JUNB: variants seen among roughly 807,000 people sequenced by gnomAD.
JUNB encodes transcription factor JunB.
Under a neutral mutation model 16.4 loss-of-function variants are expected in JUNB, and 6 were observed. That is an observed-to-expected ratio of 0.37 (90% CI 0.20 to 0.72). The LOEUF is 0.72. JUNB is among the 30% of genes least tolerant of loss of function. JUNB has a pLI of 0.53. For synonymous variants in JUNB, 226 were observed against 232.8 expected, an observed-to-expected ratio of 0.97 and a Z score of 0.27; for missense variants, 389 against 492.9, an observed-to-expected ratio of 0.79 and a Z score of 2.00.
chr19:12,792,018 G>A lies in JUNB; in HGVS notation c.247G>A (p.Ala83Thr). 2 of 1,611,582 alleles carry A rather than the reference G, an allele frequency of 1.2e-6. No homozygotes were observed. The highest frequency in any genetic ancestry group is 1.7e-6 in the Non-Finnish European group (2 of 1,179,400). ...GSDTGASLKL[A>T]SSELERLIVP... The stretch of plus-strand genomic sequence containing the variant: ...GGACACCGGCGCGTCTCTCAAGCTC[G>A]CCTCTTCGGAGCTGGAACGCCTGAT... Residue 83 changes from alanine (A) to threonine (T), a missense_variant, in exon 1 of 1, where the codon GCC becomes ACC. Ala to Thr is a moderately conservative substitution (Grantham distance 58). Transcript: ENST00000302754.
Position 12,792,284 on chromosome 19 carries a change from C to T in JUNB, c.513C>T (p.Gly171=). 1 of 1,494,200 alleles carries T rather than the reference C, an allele frequency of 6.7e-7. No homozygotes were observed. The highest frequency in any genetic ancestry group is 8.9e-7 in the Non-Finnish European group (1 of 1,119,860). The allele number at this position is 1,494,200 out of a possible 1,614,324, so 92.6% of individuals were successfully genotyped here. The stretch of plus-strand genomic sequence containing the variant: ...GGGGGCCCCCGGCTGGGCCCGGGGG[C>T]GTCTACGCCGGCCCGGAGCCACCTC... The part of the protein sequence containing the change: ...ATGGPPAGPG[G]VYAGPEPPPV... The change falls in exon 1 of 1, where the codon GGC becomes GGT. Residue 171 remains glycine (G), a synonymous_variant. Coordinates refer to ENST00000302754, the MANE Select transcript of JUNB (RefSeq NM_002229.3).
chr19:12,793,004 C>CT lies in JUNB; in HGVS notation c.*197dup, dbSNP rs1034928494. On this transcript the variant is annotated 3_prime_UTR_variant, in exon 1 of 1. Transcript: ENST00000302754. This position sits in a 1 kb window ranked among gnomAD's most constrained non-coding sequence, Gnocchi z 6.1. Reference sequence around the variant, plus strand: ...CGACGTTTACAAGCCCCCCCTTCCACTTTTTTTTGTATGTTTTTTTTCTGC... The same window carrying CT: ...CGACGTTTACAAGCCCCCCCTTCCACTTTTTTTTTGTATGTTTTTTTTCTGC... 9.9e-5 allele frequency: 59 copies of CT among 593,120 alleles called. No individual in the cohort carries two copies. The highest frequency in any genetic ancestry group is 1.2e-4 in the South Asian group (5 of 41,938). 36.7% of individuals were successfully genotyped at this position (593,120 alleles called of 1,614,324 possible). A position where few individuals can be genotyped will look rare whatever the true frequency, so the allele number is the denominator to read the frequency against.
chr19:12,791,830 A>G lies in JUNB; in HGVS notation c.59A>G (p.Tyr20Cys). ...YHDDSYTATG[Y>C]GRAPGGLSLH... ...GACGACTCATACACAGCTACGGGAT[A>G]CGGCCGGGCCCCTGGTGGCCTCTCT... is the stretch of plus-strand genomic sequence containing the variant. The change falls in exon 1 of 1, where the codon TAC becomes TGC. Residue 20 changes from tyrosine to cysteine, a missense_variant. Tyr to Cys is a radical substitution (Grantham distance 194). Around this residue, in one of 2 missense-constraint regions of JUNB, gnomAD observed 349 missense variants for 389.8 expected, o/e 0.90. Transcript: ENST00000302754. The surrounding 1 kb of genome is among the most constrained non-coding windows in gnomAD (Gnocchi z 7.0). 1 of 1,613,514 alleles carries G rather than the reference A, an allele frequency of 6.2e-7. No homozygotes were observed. Among genetic ancestry groups the G allele is most frequent in the Non-Finnish European group, 8.5e-7 (1 of 1,179,826 alleles).
chr19:12,792,564 G>C lies in JUNB; in HGVS notation c.793G>C (p.Asp265His). ...TPPVSPINMEDQERIKVERKR... is the reference protein window; with the variant it reads ...TPPVSPINMEHQERIKVERKR... ...GCCGGTGTCCCCCATCAACATGGAA[G>C]ACCAAGAGCGCATCAAAGTGGAGCG... Residue 265 changes from aspartate (D) to histidine (H), a missense_variant, in exon 1 of 1, where the codon GAC (aspartate) becomes CAC (histidine). Around this residue, in one of 2 missense-constraint regions of JUNB, gnomAD observed 349 missense variants for 389.8 expected, o/e 0.90. Transcript: ENST00000302754. 6.4e-7 allele frequency: 1 copy of C among 1,569,062 alleles called. No individual in the cohort carries two copies. The highest frequency in any genetic ancestry group is 8.6e-7 in the Non-Finnish European group (1 of 1,157,522).
chr19:12,792,401 G>T lies in JUNB; in HGVS notation c.630G>T (p.Thr210=). The T allele has an allele frequency of 6.3e-7, 1 of 1,599,294 alleles. No individual in the cohort carries two copies. The highest frequency in any genetic ancestry group is 8.5e-7 in the Non-Finnish European group (1 of 1,175,846). Residue 210 remains threonine, a synonymous_variant, in exon 1 of 1, where the codon ACG becomes ACT. Transcript: ENST00000302754. ...AAVGTGSSYP[T]TTISYLPHAP... is the part of the protein sequence containing the mutation. ...TCGGGACCGGGAGCTCGTACCCGAC[G>T]ACCACCATCAGCTACCTCCCACACG...
Position 12,792,836 on chromosome 19 carries a change from G to A in JUNB, c.*21G>A, listed in dbSNP as rs980058006. 1.3e-6 allele frequency: 2 copies of A among 1,583,176 alleles called. No homozygotes were observed. Among genetic ancestry groups the A allele is most frequent in the Non-Finnish European group, 1.7e-6 (2 of 1,158,016 alleles). ...TCTGAACGTCCCCTGCCCCTTTACG[G>A]ACACCCCCTCGCTTGGACGGCTGGG... is the stretch of plus-strand genomic sequence containing the variant. On this transcript the variant is annotated 3_prime_UTR_variant, in exon 1 of 1. Coordinates refer to ENST00000302754, the MANE Select transcript of JUNB (RefSeq NM_002229.3).
Position 12,791,951 on chromosome 19 carries a change from A to G in JUNB, c.180A>G (p.Pro60=). ...LKAPGARGPG[P]EGGGGGSYFS... is the part of the protein sequence containing the mutation. Reference sequence around the variant, plus strand: ...CGCCTGGGGCTCGCGGACCCGGCCCAGAGGGCGGCGGTGGCGGCAGCTACT... The same window carrying G: ...CGCCTGGGGCTCGCGGACCCGGCCCGGAGGGCGGCGGTGGCGGCAGCTACT... Residue 60 remains proline, a synonymous_variant, in exon 1 of 1, where the codon CCA becomes CCG. Coordinates refer to ENST00000302754, the MANE Select transcript of JUNB (RefSeq NM_002229.3). The surrounding 1 kb of genome is among the most constrained non-coding windows in gnomAD (Gnocchi z 7.0). The G allele has an allele frequency of 6.2e-7, 1 of 1,611,048 alleles. No homozygotes were observed. Among genetic ancestry groups the G allele is most frequent in the Non-Finnish European group, 8.5e-7 (1 of 1,179,380 alleles).
chr19:12,791,500 G>C lies in JUNB; in HGVS notation c.-272G>C. The C allele has an allele frequency of 2.5e-6, 1 of 405,802 alleles. No homozygotes were observed. The highest frequency in any genetic ancestry group is 4.4e-6 in the Non-Finnish European group (1 of 226,876). 25.1% of individuals were successfully genotyped at this position (405,802 alleles called of 1,614,324 possible). A position where few individuals can be genotyped will look rare whatever the true frequency, so the allele number is the denominator to read the frequency against. On this transcript the variant is annotated 5_prime_UTR_variant, in exon 1 of 1. Transcript: ENST00000302754. The surrounding 1 kb of genome is among the most constrained non-coding windows in gnomAD (Gnocchi z 7.0). ...GCTGAGCGGCTGGGACCTTGAGAGC[G>C]GCCAGGCCAGCCTCGGAGCCAGCAG...
chr19:12,792,079 C>T lies in JUNB; in HGVS notation c.308C>T (p.Pro103Leu). ...AGCAACGGCGTGATCACGACGACGC[C>T]TACACCCCCGGGACAGTACTTTTAC... ...PNSNGVITTT[P>L]TPPGQYFYPR... The change falls in exon 1 of 1, where the codon CCT becomes CTT. Residue 103 changes from proline (P) to leucine (L), a missense_variant. Around this residue, in one of 2 missense-constraint regions of JUNB, gnomAD observed 349 missense variants for 389.8 expected, o/e 0.90. Transcript: ENST00000302754. The T allele has an allele frequency of 6.2e-7, 1 of 1,605,738 alleles. No individual in the cohort carries two copies. The highest frequency in any genetic ancestry group is 1.7e-4 in the Middle Eastern group (1 of 6,056).
Position 12,793,100 on chromosome 19 carries a change from T to G in JUNB, c.*285T>G. 2 of 330,908 alleles carry G rather than the reference T, an allele frequency of 6.0e-6. No homozygotes were observed. The highest frequency in any genetic ancestry group is 1.2e-5 in the Non-Finnish European group (2 of 167,580). 20.5% of individuals were successfully genotyped at this position (330,908 alleles called of 1,614,324 possible). A position where few individuals can be genotyped will look rare whatever the true frequency, so the allele number is the denominator to read the frequency against. On this transcript the variant is annotated 3_prime_UTR_variant, in exon 1 of 1. Coordinates refer to ENST00000302754, the MANE Select transcript of JUNB (RefSeq NM_002229.3). This position sits in a 1 kb window ranked among gnomAD's most constrained non-coding sequence, Gnocchi z 6.1. ...TAACAGGGAGGGGAAGAGGGGGCGA[T>G]CGCGGCGGAGCTGGCCCCGCCGCCT...
chr19:12,791,588 C>T lies in JUNB; in HGVS notation c.-184C>T. 5.8e-6 allele frequency: 3 copies of T among 517,738 alleles called. No homozygotes were observed. The highest frequency in any genetic ancestry group is 6.7e-6 in the Non-Finnish European group (2 of 297,050). The allele number at this position is 517,738 out of a possible 1,614,324, so 32.1% of individuals were successfully genotyped here. A position where few individuals can be genotyped will look rare whatever the true frequency, so the allele number is the denominator to read the frequency against. On this transcript the variant is annotated 5_prime_UTR_variant, in exon 1 of 1. Coordinates refer to ENST00000302754, the MANE Select transcript of JUNB (RefSeq NM_002229.3). This position sits in a 1 kb window ranked among gnomAD's most constrained non-coding sequence, Gnocchi z 7.0. ...ATCGCGCCAGAGAGGGCGACGGGGG[C>T]TCGGGAAGCCTGACAGGGCTTTTGC...
In JUNB at chr19:12,792,280, G is replaced by C. The variant is rs1808163890; in HGVS notation, c.509G>C (p.Gly170Ala). The change falls in exon 1 of 1, where the codon GGG becomes GCG. Residue 170 changes from glycine (G) to alanine (A), a missense_variant. Gly to Ala is a moderately conservative substitution (Grantham distance 60). Coordinates refer to ENST00000302754, the MANE Select transcript of JUNB (RefSeq NM_002229.3). Reference protein sequence around the residue: ...GATGGPPAGPGGVYAGPEPPP... With the variant: ...GATGGPPAGPAGVYAGPEPPP... ...ACCGGGGGGCCCCCGGCTGGGCCCG[G>C]GGGCGTCTACGCCGGCCCGGAGCCA... is the stretch of plus-strand genomic sequence containing the variant. The C allele has an allele frequency of 6.7e-7, 1 of 1,495,840 alleles. No individual in the cohort carries two copies. Among genetic ancestry groups the C allele is most frequent in the Non-Finnish European group, 8.9e-7 (1 of 1,120,628 alleles). The allele number at this position is 1,495,840 out of a possible 1,614,324, so 92.7% of individuals were successfully genotyped here.
At position 12,791,628 on chromosome 19, in the gene JUNB, T is replaced by C. The variant is rs1968716251; in HGVS notation, c.-144T>C. 1.8e-6 allele frequency: 1 copy of C among 571,088 alleles called. No homozygotes were observed. The highest frequency in any genetic ancestry group is 2.9e-6 in the Non-Finnish European group (1 of 339,924). The allele number at this position is 571,088 out of a possible 1,614,324, so 35.4% of individuals were successfully genotyped here. ...AGGGCTTTTGCGCACAGCTGCCGGCTGGCTGCTACCCGCCCGCGCCAGCCC... is the reference window on the plus strand; with the variant it reads ...AGGGCTTTTGCGCACAGCTGCCGGCCGGCTGCTACCCGCCCGCGCCAGCCC... On this transcript the variant is annotated 5_prime_UTR_variant, in exon 1 of 1. Coordinates refer to ENST00000302754, the MANE Select transcript of JUNB (RefSeq NM_002229.3). The surrounding 1 kb of genome is among the most constrained non-coding windows in gnomAD (Gnocchi z 7.0).
At position 12,793,117 on chromosome 19, in the gene JUNB, C is replaced by T. The variant is rs1481731205; in HGVS notation, c.*302C>T. The stretch of plus-strand genomic sequence containing the variant: ...GGGGGCGATCGCGGCGGAGCTGGCC[C>T]CGCCGCCTGGTACTCAAGCCCGCGG... On this transcript the variant is annotated 3_prime_UTR_variant, in exon 1 of 1. Coordinates refer to ENST00000302754, the MANE Select transcript of JUNB (RefSeq NM_002229.3). The surrounding 1 kb of genome is among the most constrained non-coding windows in gnomAD (Gnocchi z 6.1). The T allele has an allele frequency of 1.9e-5, 6 of 312,320 alleles. No individual in the cohort carries two copies. The highest frequency in any genetic ancestry group is 4.7e-5 in the Admixed American group (1 of 21,498). The allele number at this position is 312,320 out of a possible 1,614,324, so 19.3% of individuals were successfully genotyped here. A position where few individuals can be genotyped will look rare whatever the true frequency, so the allele number is the denominator to read the frequency against.
At position 12,793,070 on chromosome 19, in the gene JUNB, GTATT is replaced by G. The variant is rs1410069713; in HGVS notation, c.*258_*261del. On this transcript the variant is annotated 3_prime_UTR_variant, in exon 1 of 1. Coordinates refer to ENST00000302754, the MANE Select transcript of JUNB (RefSeq NM_002229.3). The surrounding 1 kb of genome is among the most constrained non-coding windows in gnomAD (Gnocchi z 6.1). Reference sequence around the variant, plus strand: ...TTCATATTGAATATAATATATTTGTGTATTTAACAGGGAGGGGAAGAGGGGGCGA... The same window carrying G: ...TTCATATTGAATATAATATATTTGTGTAACAGGGAGGGGAAGAGGGGGCGA... 2.4e-6 allele frequency: 1 copy of G among 422,284 alleles called. No homozygotes were observed. Among genetic ancestry groups the G allele is most frequent in the Non-Finnish European group, 4.5e-6 (1 of 224,270 alleles). 26.2% of individuals were successfully genotyped at this position (422,284 alleles called of 1,614,324 possible). A position where few individuals can be genotyped will look rare whatever the true frequency, so the allele number is the denominator to read the frequency against.
Position 12,792,508 on chromosome 19 carries a change from T to C in JUNB, c.737T>C (p.Val246Ala), listed in dbSNP as rs1430795359. 6.3e-7 allele frequency: 1 copy of C among 1,575,746 alleles called. No homozygotes were observed. Among genetic ancestry groups the C allele is most frequent in the Non-Finnish European group, 8.6e-7 (1 of 1,162,710 alleles). Residue 246 changes from valine (V) to alanine (A), a missense_variant, in exon 1 of 1, where the codon GTG (valine) becomes GCG (alanine). By Grantham distance (64) the Val-to-Ala change is moderately conservative. Coordinates refer to ENST00000302754, the MANE Select transcript of JUNB (RefSeq NM_002229.3). ...ASTFKEEPQTVPEARSRDATP... is the reference protein window; with the variant it reads ...ASTFKEEPQTAPEARSRDATP... The stretch of plus-strand genomic sequence containing the variant: ...ACCTTCAAGGAGGAACCGCAGACCG[T>C]GCCGGAGGCGCGCAGCCGGGACGCC...
chr19:12,791,764 C>A lies in JUNB; in HGVS notation c.-8C>A. On this transcript the variant is annotated 5_prime_UTR_variant, in exon 1 of 1. Coordinates refer to ENST00000302754, the MANE Select transcript of JUNB (RefSeq NM_002229.3). The surrounding 1 kb of genome is among the most constrained non-coding windows in gnomAD (Gnocchi z 7.0). ...AGGGACCCTCCCCAGACCGCCTGGG[C>A]CGCCCGGATGTGCACTAAAATGGAA... The A allele has an allele frequency of 1.9e-6, 3 of 1,592,436 alleles. No homozygotes were observed. The highest frequency in any genetic ancestry group is 1.1e-5 in the South Asian group (1 of 89,494).
chr19:12,791,909 C>T lies in JUNB; in HGVS notation c.138C>T (p.Pro46=). ...KPSLAVNLAD[P]YRSLKAPGAR... is the part of the protein sequence containing the mutation. ...GCCTGGCGGTCAACCTGGCCGACCCCTACCGGAGTCTCAAAGCGCCTGGGG... is the reference window on the plus strand; with the variant it reads ...GCCTGGCGGTCAACCTGGCCGACCCTTACCGGAGTCTCAAAGCGCCTGGGG... The change falls in exon 1 of 1, where the codon CCC becomes CCT. Residue 46 remains proline (P), a synonymous_variant. Coordinates refer to ENST00000302754, the MANE Select transcript of JUNB (RefSeq NM_002229.3). This position sits in a 1 kb window ranked among gnomAD's most constrained non-coding sequence, Gnocchi z 7.0. The T allele has an allele frequency of 6.2e-7, 1 of 1,613,298 alleles. No homozygotes were observed. Among genetic ancestry groups the T allele is most frequent in the Non-Finnish European group, 8.5e-7 (1 of 1,179,878 alleles).
At position 12,792,191 on chromosome 19, in the gene JUNB, C is replaced by G. The variant is rs17883257; in HGVS notation, c.420C>G (p.Val140=). The change falls in exon 1 of 1, where the codon GTC becomes GTG. Residue 140 remains valine, a synonymous_variant. Transcript: ENST00000302754. ...AGGAGGGCTTCGCCGACGGCTTTGT[C>G]AAAGCCCTGGACGATCTGCACAAGA... ...EEQEGFADGF[V]KALDDLHKMN... is the part of the protein sequence containing the mutation. The G allele has an allele frequency of 2.5e-6, 4 of 1,580,086 alleles. No homozygotes were observed. The highest frequency in any genetic ancestry group is 2.3e-5 in the East Asian group (1 of 43,684).
Sources: gnomAD v4.1 joint callset for allele counts on GRCh38, gnomAD v4.1.1 for gene constraint, gnomAD v4.1.1 regional missense constraint, Gnocchi (gnomAD v3.1) non-coding constraint, MANE v1.5 for transcripts, NCBI Gene and HGNC (gene_info 2026-07-23, HGNC 2026-07-21) for gene names.